The following C1orf159 variants were observed in gnomAD, a reference collection of about 807,000 sequenced individuals.
C1orf159 encodes chromosome 1 open reading frame 159.
Under a neutral mutation model 25.6 loss-of-function variants are expected in C1orf159, and 19 were observed. The ratio of observed to expected loss-of-function variants is 0.74; its 90% CI spans 0.52 to 1.09. The LOEUF is 1.09. Among genes scored for constraint, C1orf159 ranks in the 50% least tolerant of loss-of-function variants. The pLI is 0.00. For missense variants in C1orf159, 274 were observed against 290.6 expected, an observed-to-expected ratio of 0.94 and a Z score of 0.42; for synonymous variants, 139 against 124.7, an observed-to-expected ratio of 1.12 and a Z score of -0.77.
At chr1:1,114,211 C>T (rs1194183038) in intron 1 of C1orf159, among the ~76,000 whole-genome samples, 2 of 152,134 alleles carry the variant, frequency 1.3e-5, no homozygotes, top group Admixed American at 6.5e-5. Flanking sequence ...TGTGAGCCAC[C>T]GCGCACAGCC....
chr1:1,091,552 C>A lies in C1orf159; in HGVS notation c.-9G>T. 6.5e-7 allele frequency: 1 copy of A among 1,547,976 alleles called. No homozygotes were observed. The highest frequency in any genetic ancestry group is 8.7e-7 in the Non-Finnish European group (1 of 1,146,466). The stretch of plus-strand genomic sequence containing the variant: ...AGGTGCCGCAGCGCCATGCCAGGAG[C>A]AGATGCGCAGAGCCTGCCACAGGGA... On this transcript the variant is annotated 5_prime_UTR_variant, in exon 3 of 10. Coordinates refer to ENST00000421241, the MANE Select transcript of C1orf159 (RefSeq NM_017891.5).
At chr1:1,101,118 T>C (rs1646094024) in intron 1 of C1orf159, among the ~76,000 whole-genome samples, 2 of 152,248 alleles carry the variant, frequency 1.3e-5, no homozygotes, top group African/African-American at 4.8e-5. Flanking sequence ...GTAATGTTTA[T>C]TCTTAGAGAA....
Position 1,089,543 on chromosome 1 carries a change from C to T in C1orf159, c.148+810G>A, listed in dbSNP as rs758058307. Among the ~76,000 whole-genome samples the T allele has an allele frequency of 4.5e-4, 69 of 152,102 alleles. No homozygotes were observed. Among genetic ancestry groups the T allele is most frequent in the Non-Finnish European group, 8.5e-4 (58 of 67,998 alleles). ...GCTCCCCAACCCCCACGCCCAGCCT[C>T]GGACCCCCGCGCCCAGCCTCACTGG... On this transcript the variant is annotated intron_variant, in intron 4 of 9. Coordinates refer to ENST00000421241, the MANE Select transcript of C1orf159 (RefSeq NM_017891.5). The surrounding 1 kb of genome is among the most constrained non-coding windows in gnomAD (Gnocchi z 7.5).
chr1:1,097,724 GCT>G (rs1040123417), intron 1 of C1orf159, among the ~76,000 whole-genome samples: 9 of 151,646 alleles, frequency 5.9e-5, no homozygotes, highest in South Asian at 2.1e-4. Flanking sequence ...ACCTCACCTG[GCT>G]CTTTCTTCTT....
chr1:1,104,646 T>C (rs6671356), intron 1 of C1orf159, among the ~76,000 whole-genome samples: 36,304 of 152,056 alleles, frequency 0.24, 5,853 homozygotes, highest in African/African-American at 0.46. Context: ...CAAGCCTGCA[T>C]GGTCTGGACA....
In C1orf159 at chr1:1,094,678, G is replaced by A. The variant is rs1225803554; in HGVS notation, c.-135-2575C>T. ...GCCTCCCAAAGTGCTAGGATTACAG[G>A]CATGAGCCACCTTGCCCGGCCCCCG... On this transcript the variant is annotated intron_variant, in intron 1 of 9. Coordinates refer to ENST00000421241, the MANE Select transcript of C1orf159 (RefSeq NM_017891.5). 4.6e-5 allele frequency among the ~76,000 whole-genome samples: 7 copies of A among 152,186 alleles called. No individual in the cohort carries two copies. In the East Asian group the frequency reaches 1.3e-3, roughly 29 times the overall value.
chr1:1,104,502 TGTTAG>T (rs1318482381), intron 1 of C1orf159, among the ~76,000 whole-genome samples: 1 of 152,202 alleles, frequency 6.6e-6, no homozygotes, highest in Non-Finnish European at 1.5e-5. Flanking sequence ...AGGGTCACTC[TGTTAG>T]AAGTTTACTC....
At chr1:1,090,546 C>T (rs1645912409) in intron 3 of C1orf159, 118 bp from the exon 4 acceptor site, 1 of 1,088,052 alleles carries the variant, frequency 9.2e-7, no homozygotes. Context: ...GCTCCGGCCT[C>T]TTCTGGAGTC....
chr1:1,113,860 G>C (rs1002145937), intron 1 of C1orf159, among the ~76,000 whole-genome samples: 10 of 151,992 alleles, frequency 6.6e-5, no homozygotes, highest in African/African-American at 2.2e-4. Flanking sequence ...GCGGGCACTT[G>C]GGAGGGAGCA....
In C1orf159 at chr1:1,082,921, G is replaced by A. The variant is rs773066930; in HGVS notation, c.569C>T (p.Pro190Leu). 2.6e-5 allele frequency: 41 copies of A among 1,601,402 alleles called. No homozygotes were observed. The highest frequency in any genetic ancestry group is 2.2e-4 in the Admixed American group (13 of 58,884). Residue 190 changes from proline to leucine, a missense_variant, in exon 10 of 10, where the codon CCG becomes CTG. By Grantham distance (98) the Pro-to-Leu change is moderately conservative. Coordinates refer to ENST00000421241, the MANE Select transcript of C1orf159 (RefSeq NM_017891.5). ...GACATTGCTGATACGGGCCTCCCCC[G>A]GGAAGGCAGCGGGATCCGTGGCCCT... ...LDRATDPAAF[P>L]GEARISNV is the part of the protein sequence containing the mutation.
At chr1:1,083,157 T>G in intron 9 of C1orf159, 170 bp from the exon 10 acceptor site, 1 of 563,172 alleles carries the variant, frequency 1.8e-6, no homozygotes, top group Non-Finnish European at 3.1e-6. Flanking sequence ...TAAGGCGCCC[T>G]CAGAGCTCCA....
chr1:1,107,419 C>T (rs1279937190), intron 1 of C1orf159, among the ~76,000 whole-genome samples: 2 of 152,178 alleles, frequency 1.3e-5, no homozygotes, highest in Non-Finnish European at 2.9e-5. Flanking sequence ...CACTCTGTGT[C>T]TAGCTCAAGG....
intron 9 of C1orf159, 142 bp downstream of exon 9, chr1:1,084,211 G>C (rs1645791547): frequency 6.6e-7 from 1 of 1,521,736 alleles, no homozygotes; most frequent in Admixed American, 2.2e-5. Context: ...GCCCTGCCTT[G>C]TGGGTGGGTC....
chr1:1,100,740 GTTGTGC>G (rs1646089667), intron 1 of C1orf159, among the ~76,000 whole-genome samples: 1 of 151,950 alleles, frequency 6.6e-6, no homozygotes, highest in Non-Finnish European at 1.5e-5. Context: ...TGGCCCTTTA[GTTGTGC>G]TTCTTTCCAT....
chr1:1,102,980 C>G (rs1646123795), intron 1 of C1orf159, among the ~76,000 whole-genome samples: 2 of 151,782 alleles, frequency 1.3e-5, no homozygotes, highest in African/African-American at 4.8e-5. Context: ...AGGCGACCAC[C>G]ACCAAGCCCT....
rs757296888 is a variant in C1orf159 at position 1,090,837 on chromosome 1, C to T, written c.73-409G>A. 66 of 1,504,742 alleles carry T rather than the reference C, an allele frequency of 4.4e-5. 1 individual carries two copies. The South Asian group carries it at 5.4e-4, about 12-fold the overall frequency. 93.2% of individuals were successfully genotyped at this position (1,504,742 alleles called of 1,614,324 possible). ...CAGGGGACGAATTCACGCCCAGGTG[C>T]CCAGGTACTGCACAGGTGCGCTGGG... is the stretch of plus-strand genomic sequence containing the variant. On this transcript the variant is annotated intron_variant, in intron 3 of 9. Coordinates refer to ENST00000421241, the MANE Select transcript of C1orf159 (RefSeq NM_017891.5).
At chr1:1,088,707 C>T (rs1158894587) in intron 4 of C1orf159, among the ~76,000 whole-genome samples, 5 of 152,156 alleles carry the variant, frequency 3.3e-5, no homozygotes, top group South Asian at 2.1e-4. Context: ...GACTGCGGTG[C>T]GGCTGCTGGT....
At chr1:1,095,087 A>C (rs1477270723) in intron 1 of C1orf159, among the ~76,000 whole-genome samples, 1 of 152,230 alleles carries the variant, frequency 6.6e-6, no homozygotes, top group African/African-American at 2.4e-5. Flanking sequence ...CTGTGTGTCT[A>C]TTCTTCAGGG....
Position 1,082,487 on chromosome 1 carries a change from A to C in C1orf159, c.*406T>G, listed in dbSNP as rs1328829825. On this transcript the variant is annotated 3_prime_UTR_variant, in exon 10 of 10. Coordinates refer to ENST00000421241, the MANE Select transcript of C1orf159 (RefSeq NM_017891.5). Reference sequence around the variant, plus strand: ...CCACTGGGTGTGGTGGTGCTGGAGGAGTCCTGCCCGCTGTGGGCTCTGGAG... The same window carrying C: ...CCACTGGGTGTGGTGGTGCTGGAGGCGTCCTGCCCGCTGTGGGCTCTGGAG... The C allele has an allele frequency of 4.1e-6, 1 of 242,098 alleles. No homozygotes were observed. Among genetic ancestry groups the C allele is most frequent in the Non-Finnish European group, 8.2e-6 (1 of 121,388 alleles). 15.0% of individuals were successfully genotyped at this position (242,098 alleles called of 1,614,324 possible). A position where few individuals can be genotyped will look rare whatever the true frequency, so the allele number is the denominator to read the frequency against.
Sources: allele counts gnomAD v4.1 joint callset (sites outside exome capture counted in the v4.1 genomes callset), GRCh38; gene constraint gnomAD v4.1.1; non-coding constraint Gnocchi (gnomAD v3.1); transcripts MANE v1.5; gene names NCBI Gene and HGNC (gene_info 2026-07-23, HGNC 2026-07-21).